Variants in ARHGAP21 observed in about 807,000 individuals in gnomAD.
ARHGAP21 encodes rho GTPase-activating protein 21.
A neutral mutation model predicts 164.6 loss-of-function variants in ARHGAP21; 38 were observed. The observed-to-expected ratio is 0.23, with a 90% CI of 0.18 to 0.30. The LOEUF (loss-of-function observed/expected upper bound fraction) is 0.30. Ranked by LOEUF, ARHGAP21 falls within the 10% of genes least tolerant of loss-of-function variation. ARHGAP21 has a pLI of 1.00. For synonymous variants in ARHGAP21, 766 were observed against 857.9 expected (o/e 0.89, Z 1.87); for missense variants, 1,822 against 2,370.7 (o/e 0.77, Z 4.81).
chr10:24,590,261 T>G, intron 24 of ARHGAP21: 46 of 1,493,318 alleles, frequency 3.1e-5, no homozygotes, highest in Non-Finnish European at 4.0e-5. Flanking sequence ...GCAGAAAAAC[T>G]TTTAAGAAAG....
At chr10:24,665,173 T>C (rs1252506122) in intron 4 of ARHGAP21, among the ~76,000 whole-genome samples, 1 of 152,074 alleles carries the variant, frequency 6.6e-6, no homozygotes, top group South Asian at 2.1e-4. Flanking sequence ...TTCTAACCCA[T>C]GCCAAGTAGC....
At chr10:24,619,023 G>C (rs1834274498) in intron 9 of ARHGAP21, among the ~76,000 whole-genome samples, 1 of 152,126 alleles carries the variant, frequency 6.6e-6, no homozygotes, top group Non-Finnish European at 1.5e-5. Context: ...AAACTAACTT[G>C]ACAATGAAGA....
At chr10:24,606,838 CAAAAAT>C (rs2077045923) in intron 11 of ARHGAP21, among the ~76,000 whole-genome samples, 1 of 152,148 alleles carries the variant, frequency 6.6e-6, no homozygotes, top group East Asian at 1.9e-4. Flanking sequence ...CAAAATGTCT[CAAAAAT>C]AAATAAATTT....
chr10:24,616,651 A>C (rs1050359625), intron 9 of ARHGAP21, among the ~76,000 whole-genome samples: 2 of 152,228 alleles, frequency 1.3e-5, no homozygotes, highest in Non-Finnish European at 2.9e-5. Context: ...GAAAGTTAAG[A>C]TGAAACCCTG....
chr10:24,606,714 G>C (rs2077041086), intron 11 of ARHGAP21, among the ~76,000 whole-genome samples: 1 of 152,170 alleles, frequency 6.6e-6, no homozygotes, highest in Non-Finnish European at 1.5e-5. Flanking sequence ...GGTGGCACAT[G>C]TCTGTAATCC....
intron 9 of ARHGAP21, among the ~76,000 whole-genome samples, chr10:24,617,994 G>A (rs1405199381): frequency 6.6e-6 from 1 of 152,124 alleles, no homozygotes; most frequent in Non-Finnish European, 1.5e-5. Context: ...CGTGCTCCCT[G>A]GAGCTGTGCT....
chr10:24,711,648 G>A (rs1251179644), intron 2 of ARHGAP21, among the ~76,000 whole-genome samples: 7 of 152,052 alleles, frequency 4.6e-5, no homozygotes, highest in Admixed American at 1.3e-4. Flanking sequence ...AAAACACGTG[G>A]GCAATATTTA....
intron 2 of ARHGAP21, among the ~76,000 whole-genome samples, chr10:24,676,211 T>C (rs372484912): frequency 1.3e-5 from 2 of 152,146 alleles, no homozygotes; most frequent in African/African-American, 2.4e-5. Context: ...CTGGAAAAAA[T>C]AACTATTAAT....
intron 2 of ARHGAP21, among the ~76,000 whole-genome samples, chr10:24,711,296 G>A (rs1365429277): frequency 2.0e-5 from 3 of 151,760 alleles, no homozygotes; most frequent in African/African-American, 7.3e-5. Context: ...AGGAAAAGAA[G>A]GGTTTCAGGC....
chr10:24,653,588 A>T (rs973060031), intron 4 of ARHGAP21, among the ~76,000 whole-genome samples: 5 of 150,780 alleles, frequency 3.3e-5, no homozygotes, highest in East Asian at 1.9e-4. Flanking sequence ...AAAAAAAATT[A>T]AAAAAAAAGA....
chr10:24,670,509 G>C, intron 2 of ARHGAP21, 112 bp from the exon 3 acceptor site: 1 of 583,148 alleles, frequency 1.7e-6, no homozygotes, highest in East Asian at 3.3e-5. Flanking sequence ...ACTATTTTCT[G>C]ATGCATAAAC....
At chr10:24,671,884 A>ATTTTTT (rs35692163) in intron 2 of ARHGAP21, among the ~76,000 whole-genome samples, 3 of 82,494 alleles carry the variant, frequency 3.6e-5, no homozygotes, top group Admixed American at 1.5e-4. Flanking sequence ...CATCAAGCTA[A>ATTTTTT]TTTTTTTTTT....
chr10:24,659,614 C>A (rs1839465656), intron 4 of ARHGAP21, among the ~76,000 whole-genome samples: 1 of 151,814 alleles, frequency 6.6e-6, no homozygotes, highest in Non-Finnish European at 1.5e-5. Flanking sequence ...TGCGCCCGGC[C>A]CAGAATCCTC....
chr10:24,685,185 T>C (rs1166263779), intron 2 of ARHGAP21, among the ~76,000 whole-genome samples: 1 of 152,184 alleles, frequency 6.6e-6, no homozygotes, highest in Non-Finnish European at 1.5e-5. Context: ...TTTTTTCCAT[T>C]CCTATATTTT....
intron 2 of ARHGAP21, among the ~76,000 whole-genome samples, chr10:24,714,898 C>T (rs917835066): frequency 6.6e-6 from 1 of 151,758 alleles, no homozygotes; most frequent in Non-Finnish European, 1.5e-5. Flanking sequence ...GGCATGGTGG[C>T]GGGCGCCTGT....
At chr10:24,611,389 G>A (rs2077255187) in intron 9 of ARHGAP21, among the ~76,000 whole-genome samples, 1 of 152,136 alleles carries the variant, frequency 6.6e-6, no homozygotes, top group African/African-American at 2.4e-5. Context: ...AAGAATCTGA[G>A]AATGAAGAAA....
chr10:24,639,802 TGA>T (rs1360761687), intron 4 of ARHGAP21, among the ~76,000 whole-genome samples: 1 of 152,176 alleles, frequency 6.6e-6, no homozygotes, highest in African/African-American at 2.4e-5. Flanking sequence ...TCAAAAAGGA[TGA>T]GTTAAATCTC....
At chr10:24,589,133 T>C (rs2076227245) in intron 25 of ARHGAP21, 138 bp downstream of exon 25, 3 of 781,916 alleles carry the variant, frequency 3.8e-6, no homozygotes, top group African/African-American at 1.8e-5. Flanking sequence ...TATATTGTTT[T>C]AGGAATTAAT....
chr10:24,626,328 G>A (rs1032455314), intron 7 of ARHGAP21, among the ~76,000 whole-genome samples: 2 of 152,164 alleles, frequency 1.3e-5, no homozygotes, highest in African/African-American at 4.8e-5. Context: ...CCCCTAATTC[G>A]TATGTTGACA....
Sources: gnomAD v4.1 joint callset for allele counts (sites outside exome capture counted in the v4.1 genomes callset) on GRCh38, gnomAD v4.1.1 for gene constraint, MANE v1.5 for transcripts, NCBI Gene and HGNC (gene_info 2026-07-23, HGNC 2026-07-21) for gene names.